The following HCN1 variants were observed in gnomAD, a reference collection of about 807,000 sequenced individuals.
HCN1 encodes the protein potassium/sodium hyperpolarization-activated cyclic nucleotide-gated channel 1.
A neutral mutation model predicts 78.9 loss-of-function variants in HCN1; 13 were observed. The ratio of observed to expected loss-of-function variants is 0.16; its 90% CI spans 0.11 to 0.26. HCN1 has a LOEUF of 0.26. Among genes scored for constraint, HCN1 ranks in the 10% least tolerant of loss-of-function variants. HCN1 has a pLI of 1.00. For missense variants in HCN1, 810 were observed against 1,154.3 expected (o/e 0.70, Z 4.32); for synonymous variants, 552 against 455.5 (o/e 1.21, Z -2.70).
chr5:45,504,579 T>G (rs530973096), intron 2 of HCN1, among the ~76,000 whole-genome samples: 2 of 152,174 alleles, frequency 1.3e-5, no homozygotes, highest in East Asian at 3.9e-4. Flanking sequence ...TGTGTCTTTA[T>G]AGCAGCATGA....
intron 6 of HCN1, among the ~76,000 whole-genome samples, chr5:45,275,247 G>GA (rs779327836): frequency 0.044 from 4,539 of 103,568 alleles, 199 homozygotes; most frequent in African/African-American, 0.13. Flanking sequence ...CTCTGTCTCA[G>GA]AAAAAAAAAA....
At chr5:45,289,852 G>C (rs1745336569) in intron 6 of HCN1, among the ~76,000 whole-genome samples, 1 of 151,982 alleles carries the variant, frequency 6.6e-6, no homozygotes, top group African/African-American at 2.4e-5. Context: ...GCATGGTCAG[G>C]TTCTGATGAG....
At chr5:45,474,771 A>G (rs1250358467) in intron 2 of HCN1, among the ~76,000 whole-genome samples, 1 of 151,954 alleles carries the variant, frequency 6.6e-6, no homozygotes, top group Non-Finnish European at 1.5e-5. Context: ...AATCATTATC[A>G]TCAGTAAAAT....
intron 2 of HCN1, among the ~76,000 whole-genome samples, chr5:45,618,416 C>T (rs1372766696): frequency 1.3e-5 from 2 of 152,058 alleles, no homozygotes; most frequent in African/African-American, 4.8e-5. Flanking sequence ...GTTTAGAATG[C>T]TTTGTATGAT....
At chr5:45,291,451 C>T (rs892080743) in intron 6 of HCN1, among the ~76,000 whole-genome samples, 9 of 152,068 alleles carry the variant, frequency 5.9e-5, no homozygotes, top group Non-Finnish European at 1.3e-4. Context: ...GAACTGACCA[C>T]CTCTGTTTTC....
chr5:45,392,466 T>G (rs1482257678), intron 4 of HCN1, among the ~76,000 whole-genome samples: 1 of 152,134 alleles, frequency 6.6e-6, no homozygotes, highest in Non-Finnish European at 1.5e-5. Flanking sequence ...TGGATAATGA[T>G]TACATATTAC....
intron 3 of HCN1, among the ~76,000 whole-genome samples, chr5:45,446,414 G>T (rs926383785): frequency 2.0e-5 from 3 of 152,152 alleles, no homozygotes; most frequent in Admixed American, 2.0e-4. Context: ...CATCTGATTG[G>T]TGTACCTGAA....
At chr5:45,522,595 C>A (rs1365470266) in intron 2 of HCN1, among the ~76,000 whole-genome samples, 1 of 150,314 alleles carries the variant, frequency 6.7e-6, no homozygotes, top group East Asian at 2.0e-4. Flanking sequence ...AAATGTAAGT[C>A]TCTTTTCTTT....
At chr5:45,617,094 T>C (rs1253639090) in intron 2 of HCN1, among the ~76,000 whole-genome samples, 2 of 151,976 alleles carry the variant, frequency 1.3e-5, no homozygotes, top group Non-Finnish European at 2.9e-5. Context: ...CAGAAAAACA[T>C]ATATATTTAT....
At chr5:45,483,464 G>T (rs1741694715) in intron 2 of HCN1, among the ~76,000 whole-genome samples, 1 of 151,848 alleles carries the variant, frequency 6.6e-6, no homozygotes, top group African/African-American at 2.4e-5. Context: ...TTTAAAATGG[G>T]GTTATTTGAT....
At chr5:45,380,406 T>C (rs1301194500) in intron 4 of HCN1, among the ~76,000 whole-genome samples, 2 of 152,066 alleles carry the variant, frequency 1.3e-5, no homozygotes, top group Non-Finnish European at 2.9e-5. Context: ...ATTCAAACAG[T>C]AGCACCATTA....
intron 6 of HCN1, among the ~76,000 whole-genome samples, 188 bp from the exon 7 acceptor site, chr5:45,267,441 GT>G (rs1391067589): frequency 1.3e-5 from 2 of 149,616 alleles, no homozygotes; most frequent in African/African-American, 5.0e-5. Flanking sequence ...TTAAAATAAT[GT>G]TTTTTTGTTT....
At chr5:45,374,938 T>C (rs1747571624) in intron 4 of HCN1, among the ~76,000 whole-genome samples, 1 of 143,752 alleles carries the variant, frequency 7.0e-6, no homozygotes, top group African/African-American at 2.5e-5. Flanking sequence ...TCATGGAAAG[T>C]TGAACTATAC....
At chr5:45,400,249 G>C (rs1739764871) in intron 3 of HCN1, among the ~76,000 whole-genome samples, 1 of 151,834 alleles carries the variant, frequency 6.6e-6, no homozygotes, top group South Asian at 2.1e-4. Flanking sequence ...ATGGAGGCAG[G>C]GTATGGAGCT....
At chr5:45,671,392 AAGTACTATATAT>A (rs998857951) in intron 1 of HCN1, among the ~76,000 whole-genome samples, 4 of 151,242 alleles carry the variant, frequency 2.6e-5, no homozygotes, top group Admixed American at 6.6e-5. Context: ...TATATTATTA[AAGTACTATATAT>A]AGTACTATAT....
intron 2 of HCN1, among the ~76,000 whole-genome samples, chr5:45,532,111 TCCCCTATGTTTCCA>T (rs1374448142): frequency 6.6e-6 from 1 of 152,160 alleles, no homozygotes; most frequent in Admixed American, 6.5e-5. Context: ...AATCTTTCTC[TCCCCTATGTTTCCA>T]TAACACTTTG....
intron 1 of HCN1, among the ~76,000 whole-genome samples, chr5:45,658,494 C>T (rs1315671805): frequency 2.0e-5 from 3 of 152,244 alleles, no homozygotes; most frequent in South Asian, 2.1e-4. Context: ...CAGCTCCCAG[C>T]GTGAGCGATG....
intron 5 of HCN1, among the ~76,000 whole-genome samples, chr5:45,309,085 C>G (rs1174167927): frequency 6.6e-6 from 1 of 152,034 alleles, no homozygotes; most frequent in Non-Finnish European, 1.5e-5. Flanking sequence ...CTTCACTTTT[C>G]TTGTCAGCTG....
chr5:45,596,519 C>T (rs530102472), intron 2 of HCN1, among the ~76,000 whole-genome samples: 3 of 152,064 alleles, frequency 2.0e-5, no homozygotes, highest in Non-Finnish European at 4.4e-5. Flanking sequence ...CATAATCATG[C>T]ACAGGGAGAA....
Sources: gnomAD v4.1 joint callset for allele counts (sites outside exome capture counted in the v4.1 genomes callset) on GRCh38, gnomAD v4.1.1 for gene constraint, MANE v1.5 for transcripts, NCBI Gene and HGNC (gene_info 2026-07-23, HGNC 2026-07-21) for gene names.